The following INTU variants were observed in gnomAD, a reference collection of about 807,000 sequenced individuals.
The protein encoded by INTU is inturned planar cell polarity protein, also known as protein inturned.
INTU carries 68 observed loss-of-function variants against 100.5 expected under a neutral mutation model. That is an observed-to-expected ratio of 0.68 (90% CI 0.56 to 0.83). The LOEUF (loss-of-function observed/expected upper bound fraction) is 0.83, where lower values mean the gene tolerates loss of function less well. INTU is among the 40% of genes least tolerant of loss of function. INTU has a pLI of 0.00. For missense variants in INTU, 1,071 were observed against 1,114.7 expected (o/e 0.96, Z 0.56); for synonymous variants, 357 against 395.7 (o/e 0.90, Z 1.16).
Position 127,636,403 on chromosome 4 carries a change from G to A in INTU, c.146+3223G>A, listed in dbSNP as rs191846473. ...AGGCGGGCAGATCACCTGAGGTCAC[G>A]AGTTCGAGACCAGCCTGGCCAATAT... On this transcript the variant is annotated intron_variant, in intron 1 of 15. Coordinates refer to ENST00000335251, the MANE Select transcript of INTU (RefSeq NM_015693.4). Among the ~76,000 whole-genome samples, 354 of 152,134 alleles carry A rather than the reference G, an allele frequency of 2.3e-3. 2 individuals carry two copies. Among genetic ancestry groups the A allele is most frequent in the African/African-American group, 7.0e-3 (289 of 41,480 alleles).
intron 6 of INTU, among the ~76,000 whole-genome samples, chr4:127,676,904 C>T (rs191856364): frequency 7.2e-5 from 11 of 152,288 alleles, no homozygotes; most frequent in Admixed American, 1.3e-4. Flanking sequence ...CCCAATACTG[C>T]GCTTTCCCAA....
At chr4:127,644,127 TG>T in intron 2 of INTU, 71 bp downstream of exon 2, 1 of 1,477,804 alleles carries the variant, frequency 6.8e-7, no homozygotes, top group South Asian at 1.3e-5. Context: ...TTGCGGGAAA[TG>T]TGATAAAAAC....
intron 8 of INTU, 21 bp from the exon 9 acceptor site, chr4:127,699,989 C>CTTT: frequency 7.6e-6 from 10 of 1,307,490 alleles, no homozygotes; most frequent in South Asian, 1.5e-5. Flanking sequence ...TTATGTTACT[C>CTTT]TTTTTTTTTT....
chr4:127,691,263 C>T (rs1385109801), intron 8 of INTU, among the ~76,000 whole-genome samples: 1 of 152,096 alleles, frequency 6.6e-6, no homozygotes, highest in Non-Finnish European at 1.5e-5. Flanking sequence ...CGCTGAAAAT[C>T]TCTGTTGCTC....
intron 6 of INTU, among the ~76,000 whole-genome samples, chr4:127,680,046 T>G (rs1013773593): frequency 6.6e-6 from 1 of 152,144 alleles, no homozygotes; most frequent in African/African-American, 2.4e-5. Context: ...CTCCCAAGAC[T>G]AAACCAGGAA....
intron 8 of INTU, among the ~76,000 whole-genome samples, chr4:127,692,156 TA>T: frequency 6.6e-6 from 1 of 151,992 alleles, no homozygotes; most frequent in South Asian, 2.1e-4. Context: ...GATCTACTTT[TA>T]GTTAAGGAAT....
Position 127,705,663 on chromosome 4 carries a change from C to T in INTU, c.1639C>T (p.Leu547=), listed in dbSNP as rs1276581232. The T allele has an allele frequency of 6.2e-7, 1 of 1,613,918 alleles. No individual in the cohort carries two copies. The change falls in exon 11 of 16, where the codon CTG becomes TTG. Residue 547 remains leucine, a synonymous_variant. Coordinates refer to ENST00000335251, the MANE Select transcript of INTU (RefSeq NM_015693.4). The stretch of plus-strand genomic sequence containing the variant: ...TGCCGTATACTGTCGCCACTATTGC[C>T]TGCTGCCTTTAGCAGCAAAACAAAG... The part of the protein sequence containing the change: ...DIAVYCRHYC[L]LPLAAKQRIG...
Position 127,640,002 on chromosome 4 carries a change from C to T in INTU, c.147-3519C>T, listed in dbSNP as rs186693271. Reference sequence around the variant, plus strand: ...TGTAGGGTCCTTAAAGGCAGTGCCTCGCTTTGCTTCTTGTGTCACTATCAC... The same window carrying T: ...TGTAGGGTCCTTAAAGGCAGTGCCTTGCTTTGCTTCTTGTGTCACTATCAC... On this transcript the variant is annotated intron_variant, in intron 1 of 15. Transcript: ENST00000335251. 9.2e-5 allele frequency among the ~76,000 whole-genome samples: 14 copies of T among 152,192 alleles called. No individual in the cohort carries two copies. The South Asian group carries it at 1.5e-3, about 16-fold the overall frequency.
At chr4:127,654,583 G>A (rs1044307786) in intron 2 of INTU, among the ~76,000 whole-genome samples, 11 of 152,030 alleles carry the variant, frequency 7.2e-5, no homozygotes, top group Non-Finnish European at 1.3e-4. Context: ...GGTTTCTGCC[G>A]AGAGACCCGC....
At chr4:127,682,267 G>A (rs1729603844) in intron 6 of INTU, among the ~76,000 whole-genome samples, 1 of 151,916 alleles carries the variant, frequency 6.6e-6, no homozygotes, top group African/African-American at 2.4e-5. Context: ...TATGCCCAAA[G>A]GACTATAAAT....
rs367675523 is a variant in INTU at position 127,657,586 on chromosome 4, A to G, written c.768+865A>G. Among the ~76,000 whole-genome samples the G allele has an allele frequency of 2.0e-5, 3 of 152,216 alleles. No individual in the cohort carries two copies. In the South Asian group the frequency reaches 6.2e-4, roughly 32 times the overall value. ...TTTACAGCTGCTCCCCATCGCTCAC[A>G]TTAGTGTCTGAGCTCCACCTCCTGT... On this transcript the variant is annotated intron_variant, in intron 3 of 15. Coordinates refer to ENST00000335251, the MANE Select transcript of INTU (RefSeq NM_015693.4).
At chr4:127,685,467 G>A (rs981711024) in intron 7 of INTU, 2 of 455,768 alleles carry the variant, frequency 4.4e-6, no homozygotes, top group Non-Finnish European at 8.8e-6. Flanking sequence ...TTCTGTGATT[G>A]TGTCATCTGG....
chr4:127,641,420 G>A (rs1399733071), intron 1 of INTU, among the ~76,000 whole-genome samples: 1 of 152,092 alleles, frequency 6.6e-6, no homozygotes, highest in African/African-American at 2.4e-5. Context: ...TCTAGGCCAT[G>A]GGGACTATCC....
rs78651308 is a variant in INTU at position 127,722,262 on chromosome 4, C to T, written c.*5826C>T. 5,675 of 152,392 alleles carry T rather than the reference C, an allele frequency of 0.037. 341 individuals carry two copies. The highest frequency in any genetic ancestry group is 0.13 in the African/African-American group (5,354 of 41,510). The allele number at this position is 152,392 out of a possible 1,614,324, so 9.4% of individuals were successfully genotyped here. On this transcript the variant is annotated 3_prime_UTR_variant, in exon 16 of 16. Coordinates refer to ENST00000335251, the MANE Select transcript of INTU (RefSeq NM_015693.4). ...CTAGACCCTATTCGCCTGGGTCTCT[C>T]GTCTTCCAGGAGATATCACCAGTGG...
At chr4:127,695,526 G>C (rs1295462687) in intron 8 of INTU, among the ~76,000 whole-genome samples, 1 of 152,190 alleles carries the variant, frequency 6.6e-6, no homozygotes, top group East Asian at 1.9e-4. Flanking sequence ...AGAATCACTT[G>C]AATCTGGGAG....
At chr4:127,695,705 T>C (rs1278012441) in intron 8 of INTU, among the ~76,000 whole-genome samples, 3 of 152,188 alleles carry the variant, frequency 2.0e-5, no homozygotes, top group Non-Finnish European at 4.4e-5. Flanking sequence ...TCTTGCCTTA[T>C]TGCATTAGCT....
intron 7 of INTU, chr4:127,685,870 A>T (rs558290251): frequency 6.5e-6 from 1 of 152,884 alleles, no homozygotes; most frequent in East Asian, 1.9e-4. Flanking sequence ...TTCATCTTGA[A>T]ATTTATCTTC....
intron 11 of INTU, among the ~76,000 whole-genome samples, 162 bp from the exon 12 acceptor site, chr4:127,706,325 A>G (rs1020058835): frequency 2.0e-5 from 3 of 152,232 alleles, no homozygotes; most frequent in Admixed American, 1.3e-4. Context: ...AGAAGCATTA[A>G]TAATAACCAA....
At chr4:127,677,024 C>T (rs1323196850) in intron 6 of INTU, among the ~76,000 whole-genome samples, 10 of 151,816 alleles carry the variant, frequency 6.6e-5, no homozygotes, top group Admixed American at 6.6e-4. Context: ...GATCAAACTG[C>T]AAGATGGCAG....
Sources: gnomAD v4.1 joint callset for allele counts (sites outside exome capture counted in the v4.1 genomes callset) on GRCh38, gnomAD v4.1.1 for gene constraint, MANE v1.5 for transcripts, NCBI Gene and HGNC (gene_info 2026-07-23, HGNC 2026-07-21) for gene names.